Variants in EYS observed in about 807,000 individuals in gnomAD.
The protein encoded by EYS is protein eyes shut homolog.
EYS carries 250 observed loss-of-function variants against 282.1 expected under a neutral mutation model. That is an observed-to-expected ratio of 0.89 (90% CI 0.80 to 0.98). The LOEUF (loss-of-function observed/expected upper bound fraction) is 0.98. EYS is among the 50% of genes least tolerant of loss of function. The pLI is 0.00. For missense variants in EYS, 4,016 were observed against 3,709.0 expected, an observed-to-expected ratio of 1.08 and a Z score of -2.15; for synonymous variants, 1,355 against 1,282.9, an observed-to-expected ratio of 1.06 and a Z score of -1.20.
chr6:64,772,798 A>G (rs1773563322), intron 22 of EYS, among the ~76,000 whole-genome samples: 1 of 151,738 alleles, frequency 6.6e-6, no homozygotes, highest in Non-Finnish European at 1.5e-5. Context: ...TTCACTTAAC[A>G]TTATGTCTTT....
chr6:65,382,457 C>CTG (rs55949006), intron 8 of EYS, among the ~76,000 whole-genome samples: 21,142 of 111,484 alleles, frequency 0.19, 1,697 homozygotes, highest in Non-Finnish European at 0.21. Flanking sequence ...CTCCTTTCCT[C>CTG]TGTGTGTGTG....
At chr6:65,296,475 GT>G (rs1341718487) in intron 11 of EYS, among the ~76,000 whole-genome samples, 1 of 151,260 alleles carries the variant, frequency 6.6e-6, no homozygotes, top group African/African-American at 2.4e-5. Flanking sequence ...AGTAATTGTG[GT>G]TTTTTTCATT....
At chr6:64,118,817 G>C (rs565869322) in intron 31 of EYS, among the ~76,000 whole-genome samples, 2 of 151,796 alleles carry the variant, frequency 1.3e-5, no homozygotes, top group African/African-American at 4.8e-5. Context: ...GAATCTACAA[G>C]AAACTCAAAA....
intron 7 of EYS, among the ~76,000 whole-genome samples, chr6:65,397,896 C>G (rs997250962): frequency 2.6e-5 from 4 of 152,054 alleles, no homozygotes; most frequent in African/African-American, 7.2e-5. Context: ...ATACCCTTCT[C>G]TCTGCATCCT....
intron 12 of EYS, among the ~76,000 whole-genome samples, chr6:65,116,122 C>T (rs919582298): frequency 1.3e-5 from 2 of 151,990 alleles, no homozygotes; most frequent in Non-Finnish European, 2.9e-5. Context: ...GAGTAATTTA[C>T]CCTCTCCCTA....
At chr6:64,621,328 C>T (rs908139061) in intron 23 of EYS, among the ~76,000 whole-genome samples, 9 of 151,880 alleles carry the variant, frequency 5.9e-5, no homozygotes, top group Non-Finnish European at 1.2e-4. Context: ...TCCCTCTCTG[C>T]CCATAGTGAT....
At chr6:64,620,575 G>C (rs909206411) in intron 23 of EYS, among the ~76,000 whole-genome samples, 1 of 152,304 alleles carries the variant, frequency 6.6e-6, no homozygotes, top group East Asian at 1.9e-4. Context: ...TGGATACTGA[G>C]TGTCAATCAT....
chr6:65,593,497 G>A (rs954401892), intron 2 of EYS, among the ~76,000 whole-genome samples: 1 of 151,962 alleles, frequency 6.6e-6, no homozygotes, highest in African/African-American at 2.4e-5. Context: ...ATACATGAAA[G>A]CTGACAGCCC....
intron 11 of EYS, among the ~76,000 whole-genome samples, chr6:65,315,223 T>G (rs1332640457): frequency 6.6e-6 from 1 of 152,170 alleles, no homozygotes; most frequent in Admixed American, 6.5e-5. Flanking sequence ...ATAGACATTC[T>G]AATTTTATTT....
intron 28 of EYS, among the ~76,000 whole-genome samples, chr6:64,394,402 CA>C (rs984177470): frequency 8.5e-5 from 13 of 152,230 alleles, no homozygotes; most frequent in African/African-American, 3.1e-4. Context: ...CTACAGTAAC[CA>C]AAACAGCATG....
At chr6:63,967,851 C>T (rs1430889882) in intron 35 of EYS, among the ~76,000 whole-genome samples, 3 of 152,116 alleles carry the variant, frequency 2.0e-5, no homozygotes, top group Non-Finnish European at 4.4e-5. Context: ...TCTATGTCAG[C>T]CTCTTACAGC....
In EYS at chr6:64,226,635, A is replaced by G. The variant is rs995480185; in HGVS notation, c.6424+3957T>C. The stretch of plus-strand genomic sequence containing the variant: ...ATGCTCTTATGTTTCCCTTGGTGAG[A>G]TGTAGGATCATTATGATAAAGTAGG... On this transcript the variant is annotated intron_variant, in intron 31 of 42. Transcript: ENST00000503581. Among the ~76,000 whole-genome samples the G allele has an allele frequency of 3.9e-5, 6 of 152,116 alleles. No homozygotes were observed. The South Asian group carries it at 1.2e-3, about 31-fold the overall frequency.
chr6:64,791,996 A>G (rs959935032), intron 22 of EYS, among the ~76,000 whole-genome samples: 4 of 151,900 alleles, frequency 2.6e-5, no homozygotes, highest in Non-Finnish European at 5.9e-5. Flanking sequence ...ATGAAAAACC[A>G]TCACTCACAA....
At chr6:65,682,226 G>A (rs1768851651) in intron 1 of EYS, among the ~76,000 whole-genome samples, 2 of 151,882 alleles carry the variant, frequency 1.3e-5, no homozygotes, top group Non-Finnish European at 2.9e-5. Flanking sequence ...TGCAGTAATA[G>A]TTTGTTTATG....
intron 26 of EYS, among the ~76,000 whole-genome samples, chr6:64,471,453 G>T (rs1035141567): frequency 7.2e-5 from 11 of 151,866 alleles, no homozygotes; most frequent in African/African-American, 2.7e-4. Flanking sequence ...CAACAACAAA[G>T]AAGCTGAAAA....
chr6:64,675,647 C>T (rs538089250), intron 22 of EYS, among the ~76,000 whole-genome samples: 1 of 151,834 alleles, frequency 6.6e-6, no homozygotes, highest in Non-Finnish European at 1.5e-5. Flanking sequence ...CTAGGCTGAT[C>T]TCGAACTTTA....
At chr6:65,250,688 A>T (rs1767297097) in intron 12 of EYS, among the ~76,000 whole-genome samples, 1 of 152,036 alleles carries the variant, frequency 6.6e-6, no homozygotes, top group Non-Finnish European at 1.5e-5. Context: ...TATTCTCATA[A>T]TGAAAAACTT....
At chr6:64,859,086 A>G (rs1480676754) in intron 19 of EYS, among the ~76,000 whole-genome samples, 1 of 151,876 alleles carries the variant, frequency 6.6e-6, no homozygotes, top group Non-Finnish European at 1.5e-5. Context: ...AAAATGCTAA[A>G]GATTCCACCA....
intron 8 of EYS, among the ~76,000 whole-genome samples, chr6:65,357,422 A>C (rs976727): frequency 0.9 from 136,277 of 151,918 alleles, 61,475 homozygotes; most frequent in Non-Finnish European, 0.95. Context: ...CAAGTGATGC[A>C]ATCTATTGAG....
Sources: allele counts gnomAD v4.1 joint callset (sites outside exome capture counted in the v4.1 genomes callset), GRCh38; gene constraint gnomAD v4.1.1; transcripts MANE v1.5; gene names NCBI Gene and HGNC (gene_info 2026-07-23, HGNC 2026-07-21).